CAP2: variants seen among roughly 807,000 people sequenced by gnomAD.
The protein encoded by CAP2 is adenylyl cyclase-associated protein 2.
Under a neutral mutation model 57.7 loss-of-function variants are expected in CAP2, and 24 were observed. That is an observed-to-expected ratio of 0.42 (90% CI 0.30 to 0.58). The LOEUF (loss-of-function observed/expected upper bound fraction) is 0.58, where lower values mean the gene tolerates loss of function less well. Ranked by LOEUF, CAP2 falls within the 20% of genes least tolerant of loss-of-function variation. The pLI, the probability that CAP2 is intolerant of heterozygous loss-of-function variation, is 0.22. For synonymous variants in CAP2, 194 were observed against 207.2 expected (o/e 0.94, Z 0.55); for missense variants, 501 against 590.3 (o/e 0.85, Z 1.57).
chr6:17,415,088 T>C (rs565798179), intron 1 of CAP2, among the ~76,000 whole-genome samples: 1 of 152,322 alleles, frequency 6.6e-6, no homozygotes, highest in African/African-American at 2.4e-5. Flanking sequence ...TAATCTTAGA[T>C]TCATGATCTT....
At chr6:17,537,078 G>A (rs1412932740) in intron 7 of CAP2, among the ~76,000 whole-genome samples, 1 of 152,094 alleles carries the variant, frequency 6.6e-6, no homozygotes, top group East Asian at 1.9e-4. Context: ...AGCCTGCAGG[G>A]TTTCTAAAAC....
chr6:17,400,528 A>G (rs1177909107), intron 1 of CAP2, among the ~76,000 whole-genome samples: 3 of 152,136 alleles, frequency 2.0e-5, no homozygotes, highest in Non-Finnish European at 4.4e-5. Context: ...GATTGTCATC[A>G]TTTCCTACTT....
At chr6:17,528,989 G>C (rs528037006) in intron 7 of CAP2, among the ~76,000 whole-genome samples, 69 of 152,082 alleles carry the variant, frequency 4.5e-4, no homozygotes, top group Non-Finnish European at 7.5e-4. Flanking sequence ...GCCAAGGCAG[G>C]AGGATCACTT....
intron 3 of CAP2, among the ~76,000 whole-genome samples, chr6:17,443,538 A>G (rs531498232): frequency 6.6e-6 from 1 of 151,164 alleles, no homozygotes; most frequent in African/African-American, 2.4e-5. Context: ...TTATCTTGTT[A>G]TTTCTATTCA....
intron 1 of CAP2, among the ~76,000 whole-genome samples, chr6:17,394,607 G>A (rs1265787079): frequency 1.3e-5 from 2 of 152,178 alleles, no homozygotes; most frequent in Non-Finnish European, 2.9e-5. Context: ...AGGACCTTTG[G>A]TTTTATAGTT....
At chr6:17,404,364 G>C (rs998379341) in intron 1 of CAP2, among the ~76,000 whole-genome samples, 4 of 152,196 alleles carry the variant, frequency 2.6e-5, no homozygotes, top group African/African-American at 9.7e-5. Context: ...CCAGCACTTT[G>C]GGAGGCCAAG....
At chr6:17,535,523 C>G (rs1369369152) in intron 7 of CAP2, among the ~76,000 whole-genome samples, 1 of 151,746 alleles carries the variant, frequency 6.6e-6, no homozygotes, top group African/African-American at 2.4e-5. Flanking sequence ...GATCTTCTGC[C>G]TCGGCCTCCC....
chr6:17,453,682 A>T (rs1442859603), intron 3 of CAP2, among the ~76,000 whole-genome samples: 1 of 152,170 alleles, frequency 6.6e-6, no homozygotes, highest in Non-Finnish European at 1.5e-5. Context: ...CAGTGAAGAC[A>T]CTATTCCCAC....
intron 4 of CAP2, among the ~76,000 whole-genome samples, chr6:17,465,227 C>T (rs187613084): frequency 3.3e-5 from 5 of 152,218 alleles, no homozygotes; most frequent in Non-Finnish European, 7.4e-5. Context: ...TGCTCTTGCT[C>T]TGTCACCAAG....
At chr6:17,494,582 C>T (rs1761620350) in intron 4 of CAP2, among the ~76,000 whole-genome samples, 1 of 152,174 alleles carries the variant, frequency 6.6e-6, no homozygotes, top group Non-Finnish European at 1.5e-5. Flanking sequence ...TTCTGATCCT[C>T]CTCACTAGGT....
At chr6:17,450,577 T>C (rs1301964172) in intron 3 of CAP2, among the ~76,000 whole-genome samples, 1 of 152,206 alleles carries the variant, frequency 6.6e-6, no homozygotes, top group African/African-American at 2.4e-5. Flanking sequence ...TAAATACTTT[T>C]GTGAGCTGGA....
intron 3 of CAP2, among the ~76,000 whole-genome samples, chr6:17,435,681 T>TAAAAAAAAAAAAAAAAAAAAAAAAAA: frequency 1.5e-5 from 1 of 67,420 alleles, no homozygotes; most frequent in Non-Finnish European, 2.6e-5. Context: ...TAGAGTATAA[T>TAAAAAAAAAAAAAAAAAAAAAAAAAA]AAAAAAAAAA....
chr6:17,399,254 G>C (rs551245243), intron 1 of CAP2, among the ~76,000 whole-genome samples: 3 of 152,036 alleles, frequency 2.0e-5, no homozygotes, highest in Non-Finnish European at 2.9e-5. Flanking sequence ...GTAGAGACAG[G>C]GTTTTGTCAT....
chr6:17,552,517 A>C (rs1763194419), intron 12 of CAP2, among the ~76,000 whole-genome samples: 1 of 152,138 alleles, frequency 6.6e-6, no homozygotes, highest in Non-Finnish European at 1.5e-5. Context: ...TGTGAATCCC[A>C]GCTACTCGGG....
chr6:17,536,741 T>C (rs555502043), intron 7 of CAP2, among the ~76,000 whole-genome samples: 1 of 152,314 alleles, frequency 6.6e-6, no homozygotes, highest in South Asian at 2.1e-4. Context: ...GTTTCAGATG[T>C]TGGGGGAAGG....
chr6:17,554,958 A>G (rs918675316), intron 12 of CAP2, among the ~76,000 whole-genome samples: 48 of 152,148 alleles, frequency 3.2e-4, no homozygotes, highest in Admixed American at 2.6e-4. Flanking sequence ...GTATTTTCCA[A>G]TGGGAGAAGT....
rs978521517 is a variant in CAP2, at chr6:17,537,470, A to G, written c.637-1799A>G. Among the ~76,000 whole-genome samples, 4 of 152,120 alleles carry G rather than the reference A, an allele frequency of 2.6e-5. No individual in the cohort carries two copies. In the South Asian group the frequency reaches 6.2e-4, roughly 24 times the overall value. On this transcript the variant is annotated intron_variant, in intron 7 of 12. Coordinates refer to ENST00000229922, the MANE Select transcript of CAP2 (RefSeq NM_006366.3). ...CTCGGCTTCCCAAAGTGCTAGGATT[A>G]CAGGCATGAGCCACCATGCCCGAGC...
intron 6 of CAP2, among the ~76,000 whole-genome samples, chr6:17,511,716 A>T (rs988122793): frequency 6.6e-6 from 1 of 152,154 alleles, no homozygotes; most frequent in African/African-American, 2.4e-5. Flanking sequence ...GGCCTCCGAA[A>T]GTACTGAGAT....
intron 4 of CAP2, among the ~76,000 whole-genome samples, chr6:17,505,820 G>T (rs1451075148): frequency 3.3e-5 from 5 of 152,116 alleles, no homozygotes; most frequent in Admixed American, 3.3e-4. Flanking sequence ...AGCAACTGTG[G>T]TATTCTGGAG....
Sources: allele counts gnomAD v4.1 joint callset (sites outside exome capture counted in the v4.1 genomes callset), GRCh38; gene constraint gnomAD v4.1.1; transcripts MANE v1.5; gene names NCBI Gene and HGNC (gene_info 2026-07-23, HGNC 2026-07-21).